THOC2: variants seen among roughly 807,000 people sequenced by gnomAD.
THOC2 encodes THO complex 2.
THOC2 carries 10 observed loss-of-function variants against 128.4 expected under a neutral mutation model. That is an observed-to-expected ratio of 0.08 (90% CI 0.05 to 0.13). The LOEUF is 0.13. THOC2 is among the 10% of genes least tolerant of loss of function. The pLI is 1.00. For synonymous variants in THOC2, 393 were observed against 396.9 expected (o/e 0.99, Z 0.12); for missense variants, 535 against 1,155.7 (o/e 0.46, Z 7.79).
intron 17 of THOC2, among the ~76,000 whole-genome samples, 188 bp from the exon 18 acceptor site, chrX:123,638,311 T>G (rs2047754263): frequency 8.9e-6 from 1 of 112,309 alleles, no homozygotes; most frequent in Non-Finnish European, 1.9e-5. Context: ...CATTTCTTCT[T>G]TAGCCTACTT....
intron 12 of THOC2, among the ~76,000 whole-genome samples, chrX:123,657,960 CGTGTGTGTGTGTGTGTGT>C (rs60969537): frequency 3.6e-4 from 34 of 94,800 alleles, no homozygotes; most frequent in Admixed American, 8.3e-4. Flanking sequence ...TACGCATATG[CGTGTGTGTGTGTGTGTGT>C]GTGTGTGTGT....
chrX:123,655,158 CCTT>C (rs1385276048), intron 12 of THOC2, among the ~76,000 whole-genome samples: 1 of 111,856 alleles, frequency 8.9e-6, no homozygotes, highest in Non-Finnish European at 1.9e-5. Flanking sequence ...TCAACTTCCT[CCTT>C]CTTCTCATTC....
intron 38 of THOC2, among the ~76,000 whole-genome samples, chrX:123,608,048 A>T (rs2046544729): frequency 9.0e-6 from 1 of 110,611 alleles, no homozygotes; most frequent in Non-Finnish European, 1.9e-5. Flanking sequence ...CAGGAGTTTC[A>T]GACCAGCCTG....
chrX:123,722,023 A>G (rs994304050), intron 1 of THOC2, among the ~76,000 whole-genome samples: 1 of 111,919 alleles, frequency 8.9e-6, no homozygotes, highest in Non-Finnish European at 1.9e-5. Context: ...TGGGTCTTTC[A>G]CAGGCATTTT....
At chrX:123,644,174 T>G (rs551023009) in intron 15 of THOC2, among the ~76,000 whole-genome samples, 18 of 112,462 alleles carry the variant, frequency 1.6e-4, no homozygotes, top group African/African-American at 5.8e-4. Flanking sequence ...TAGTTCTTCC[T>G]AACAGATTAA....
chrX:123,624,502 T>C (rs781229181), intron 26 of THOC2, 39 bp downstream of exon 26: 3 of 1,172,929 alleles, frequency 2.6e-6, no homozygotes, highest in East Asian at 3.0e-5. Context: ...GTGGTCATTA[T>C]ATACATGGGT....
At chrX:123,713,178 A>G (rs2051262004) in intron 1 of THOC2, among the ~76,000 whole-genome samples, 1 of 112,398 alleles carries the variant, frequency 8.9e-6, no homozygotes, top group South Asian at 3.6e-4. Flanking sequence ...TCATATTACT[A>G]AAAGAGACTA....
intron 28 of THOC2, chrX:123,623,569 A>C: frequency 1.3e-6 from 1 of 744,850 alleles, no homozygotes; most frequent in Non-Finnish European, 2.0e-6. Flanking sequence ...CAATCAAGAA[A>C]TATTATACAT....
At chrX:123,716,803 C>T (rs1444540473) in intron 1 of THOC2, among the ~76,000 whole-genome samples, 1 of 105,010 alleles carries the variant, frequency 9.5e-6, no homozygotes, top group Non-Finnish European at 1.9e-5. Context: ...GAAGCTGAGG[C>T]AGGAGAATCG....
At chrX:123,676,223 G>C (rs760541182) in intron 8 of THOC2, among the ~76,000 whole-genome samples, 3 of 112,269 alleles carry the variant, frequency 2.7e-5, no homozygotes, top group Admixed American at 9.4e-5. Context: ...GTGCCTTTAA[G>C]TGCTTTTGGC....
chrX:123,718,858 T>C (rs765828122), intron 1 of THOC2, among the ~76,000 whole-genome samples: 224 of 110,223 alleles, frequency 2.0e-3, no homozygotes, highest in African/African-American at 7.0e-3. Flanking sequence ...ACATCAAATA[T>C]GGGGTTAATA....
chrX:123,662,804 T>C lies in THOC2; in HGVS notation c.1386+2838A>G, dbSNP rs779982590. On this transcript the variant is annotated intron_variant, in intron 12 of 38. Transcript: ENST00000245838. Reference sequence around the variant, plus strand: ...GCAACTTAAAAATGTGCAAGAGACATGAACAGACATTTCACTAAAGATAAC... The same window carrying C: ...GCAACTTAAAAATGTGCAAGAGACACGAACAGACATTTCACTAAAGATAAC... 6.3e-5 allele frequency among the ~76,000 whole-genome samples: 7 copies of C among 111,211 alleles called. No individual in the cohort carries two copies. The South Asian group carries it at 2.6e-3, about 42-fold the overall frequency.
intron 16 of THOC2, among the ~76,000 whole-genome samples, chrX:123,639,594 T>C (rs2047826043): frequency 1.8e-5 from 2 of 111,434 alleles, no homozygotes; most frequent in South Asian, 3.8e-4. Flanking sequence ...GTTGATTTTG[T>C]ATCCTGAAAC....
At chrX:123,680,444 C>A (rs745735378) in intron 8 of THOC2, among the ~76,000 whole-genome samples, 7 of 110,523 alleles carry the variant, frequency 6.3e-5, no homozygotes, top group Non-Finnish European at 1.3e-4. Context: ...GAGAAACACC[C>A]AATAATGATC....
chrX:123,621,912 G>A (rs1351111547), intron 30 of THOC2, among the ~76,000 whole-genome samples: 1 of 110,214 alleles, frequency 9.1e-6, no homozygotes, highest in Non-Finnish European at 1.9e-5. Flanking sequence ...GCGCATGGTG[G>A]CGGGCACCTG....
chrX:123,650,410 G>A (rs948915060), intron 12 of THOC2, among the ~76,000 whole-genome samples: 13 of 111,704 alleles, frequency 1.2e-4, no homozygotes, highest in African/African-American at 3.9e-4. Context: ...TAACAAGCAA[G>A]ATAACCAGCT....
intron 8 of THOC2, among the ~76,000 whole-genome samples, chrX:123,675,054 G>A (rs1353772433): frequency 9.0e-6 from 1 of 111,304 alleles, no homozygotes; most frequent in African/African-American, 3.3e-5. Context: ...AGTCATATAG[G>A]AAAAAAAGAG....
At chrX:123,694,422 C>T (rs2050359022) in intron 7 of THOC2, among the ~76,000 whole-genome samples, 1 of 110,182 alleles carries the variant, frequency 9.1e-6, no homozygotes, top group Non-Finnish European at 1.9e-5. Context: ...TGAGACCAAC[C>T]TGGCCAACAT....
intron 1 of THOC2, among the ~76,000 whole-genome samples, chrX:123,728,859 G>GT (rs746085632): frequency 8.9e-5 from 10 of 112,008 alleles, no homozygotes; most frequent in Non-Finnish European, 1.1e-4. Flanking sequence ...TTCAACAAAC[G>GT]TAAGTATTTC....
Sources: gnomAD v4.1 joint callset for allele counts (sites outside exome capture counted in the v4.1 genomes callset) on GRCh38, gnomAD v4.1.1 for gene constraint, MANE v1.5 for transcripts, NCBI Gene and HGNC (gene_info 2026-07-23, HGNC 2026-07-21) for gene names.